TACC2: variants seen among roughly 807,000 people sequenced by gnomAD.
TACC2 encodes the protein transforming acidic coiled-coil-containing protein 2.
Under a neutral mutation model 227.3 loss-of-function variants are expected in TACC2, and 137 were observed. That is an observed-to-expected ratio of 0.60 (90% CI 0.52 to 0.69). The LOEUF (loss-of-function observed/expected upper bound fraction) is 0.69. Ranked by LOEUF, TACC2 falls within the 30% of genes least tolerant of loss-of-function variation. TACC2 has a pLI of 0.00. For synonymous variants in TACC2, 1,523 were observed against 1,487.5 expected (o/e 1.02, Z -0.55); for missense variants, 3,470 against 3,694.4 (o/e 0.94, Z 1.57).
In TACC2 at chr10:122,210,473, G is replaced by A. The variant is rs143883746; in HGVS notation, c.6048G>A (p.Pro2016=). The A allele has an allele frequency of 2.4e-5, 39 of 1,613,854 alleles. No homozygotes were observed. Among genetic ancestry groups the A allele is most frequent in the African/African-American group, 6.7e-5 (5 of 74,894 alleles). Residue 2016 remains proline (P), a synonymous_variant, in exon 9 of 23, where the codon CCG becomes CCA. Coordinates refer to ENST00000369005, the MANE Select transcript of TACC2 (RefSeq NM_206862.4). This position sits in a 1 kb window ranked among gnomAD's most constrained non-coding sequence, Gnocchi z 4.6. The part of the protein sequence containing the change: ...DSVEGSPFRP[P]SHSFSAVFDE... ...TGGAAGGAAGTCCCTTCCGTCCCCC[G>A]TCACACTCCTTCTCTGCCGTCTTCG...
intron 7 of TACC2, among the ~76,000 whole-genome samples, chr10:122,191,134 A>T (rs2094396904): frequency 6.7e-6 from 1 of 150,206 alleles, no homozygotes; most frequent in Non-Finnish European, 1.5e-5. Context: ...TTTTTTTTTT[A>T]AGAGTCGAGG....
intron 3 of TACC2, among the ~76,000 whole-genome samples, chr10:122,065,612 GTTAA>G (rs1240211770): frequency 6.6e-6 from 1 of 152,158 alleles, no homozygotes; most frequent in African/African-American, 2.4e-5. Flanking sequence ...TTAAAAAAGT[GTTAA>G]TTAAGTCAAG....
chr10:122,143,503 T>C (rs1244152971), intron 6 of TACC2, 69 bp from the exon 7 acceptor site: 16 of 1,551,416 alleles, frequency 1.0e-5, no homozygotes, highest in Non-Finnish European at 1.2e-5. Context: ...GTGGGGTGAA[T>C]GGGGCCTGAT....
At chr10:122,152,758 G>A (rs1290801146) in intron 7 of TACC2, among the ~76,000 whole-genome samples, 1 of 152,166 alleles carries the variant, frequency 6.6e-6, no homozygotes, top group Admixed American at 6.6e-5. Context: ...ACTCTCTGTG[G>A]CCAGAACGCT....
At position 122,084,513 on chromosome 10, in the gene TACC2, C is replaced by G; in HGVS notation, c.2013C>G (p.Pro671=). 3.1e-6 allele frequency: 5 copies of G among 1,613,534 alleles called. No individual in the cohort carries two copies. Among genetic ancestry groups the G allele is most frequent in the East Asian group, 2.2e-5 (1 of 44,870 alleles). ...TGGGTGAGGAGGACCCCGTCCTGCCCCCTGTGCCAGATGGAGCTGGTGAGC... is the reference window on the plus strand; with the variant it reads ...TGGGTGAGGAGGACCCCGTCCTGCCGCCTGTGCCAGATGGAGCTGGTGAGC... ...HKLGEEDPVL[P]PVPDGAGEPT... Residue 671 remains proline, a synonymous_variant, in exon 4 of 23, where the codon CCC becomes CCG. Transcript: ENST00000369005.
chr10:122,055,166 G>A (rs1162430869), intron 3 of TACC2, among the ~76,000 whole-genome samples: 2 of 152,054 alleles, frequency 1.3e-5, no homozygotes, highest in Non-Finnish European at 2.9e-5. Flanking sequence ...GTTGCAGTGA[G>A]CTGAGATTGC....
At position 122,084,426 on chromosome 10, in the gene TACC2, G is replaced by A; in HGVS notation, c.1926G>A (p.Gly642=). Reference sequence around the variant, plus strand: ...AGCCACCCAGAAAGGGGGGTGCTGGGCACACGGACGGGCCCCACTCTCAGA... The same window carrying A: ...AGCCACCCAGAAAGGGGGGTGCTGGACACACGGACGGGCCCCACTCTCAGA... ...SAQPPRKGGA[G]HTDGPHSQTA... The change falls in exon 4 of 23, where the codon GGG becomes GGA. Residue 642 remains glycine, a synonymous_variant. Transcript: ENST00000369005. The A allele has an allele frequency of 2.5e-6, 4 of 1,612,828 alleles. No individual in the cohort carries two copies. Among genetic ancestry groups the A allele is most frequent in the Middle Eastern group, 1.6e-4 (1 of 6,062 alleles).
At chr10:121,997,940 C>G (rs1953753493) in intron 1 of TACC2, among the ~76,000 whole-genome samples, 1 of 151,978 alleles carries the variant, frequency 6.6e-6, no homozygotes, top group South Asian at 2.1e-4. Context: ...CATCCCACCC[C>G]CAAAGGCAGG....
In TACC2 at chr10:122,050,695, GT is replaced by G; in HGVS notation, c.146+146del. 1.6e-6 allele frequency: 1 copy of G among 635,640 alleles called. No individual in the cohort carries two copies. The highest frequency in any genetic ancestry group is 2.8e-6 in the Non-Finnish European group (1 of 358,904). 39.4% of individuals were successfully genotyped at this position (635,640 alleles called of 1,614,324 possible). A position where few individuals can be genotyped will look rare whatever the true frequency, so the allele number is the denominator to read the frequency against. ...CCTCAGTGGTGAGATGTTCCAAGCA[GT>G]GGTTCACAGACCTCTCTGTGACTGG... On this transcript the variant is annotated intron_variant, in intron 3 of 22. Coordinates refer to ENST00000369005, the MANE Select transcript of TACC2 (RefSeq NM_206862.4). The surrounding 1 kb of genome is among the most constrained non-coding windows in gnomAD (Gnocchi z 4.6).
chr10:122,140,055 C>T (rs2090308462), intron 6 of TACC2, among the ~76,000 whole-genome samples: 2 of 152,306 alleles, frequency 1.3e-5, no homozygotes, highest in South Asian at 2.1e-4. Flanking sequence ...GCAGGGCTGT[C>T]GGGCTGAATG....
intron 5 of TACC2, among the ~76,000 whole-genome samples, chr10:122,095,082 G>T (rs1317727620): frequency 6.6e-6 from 1 of 152,186 alleles, no homozygotes; most frequent in Non-Finnish European, 1.5e-5. Flanking sequence ...ACAGGACTAG[G>T]GGGCTAACTA....
intron 8 of TACC2, among the ~76,000 whole-genome samples, chr10:122,203,024 T>C (rs1168942554): frequency 2.6e-5 from 4 of 151,940 alleles, no homozygotes; most frequent in Non-Finnish European, 4.4e-5. Flanking sequence ...TTTTTCTTAG[T>C]ACAGAACAAA....
At chr10:122,080,939 T>C (rs780040625) in intron 3 of TACC2, among the ~76,000 whole-genome samples, 2 of 152,206 alleles carry the variant, frequency 1.3e-5, no homozygotes, top group Non-Finnish European at 2.9e-5. Context: ...ATTTCCCCTA[T>C]AATAACTTTA....
At chr10:122,152,575 C>T (rs529295939) in intron 7 of TACC2, among the ~76,000 whole-genome samples, 83 of 152,332 alleles carry the variant, frequency 5.4e-4, no homozygotes, top group Middle Eastern at 3.4e-3. Flanking sequence ...CGTGTTGACA[C>T]GGCTGACTTG....
At chr10:122,061,285 CAAAAAAAAAA>C (rs58324245) in intron 3 of TACC2, among the ~76,000 whole-genome samples, 2 of 87,106 alleles carry the variant, frequency 2.3e-5, no homozygotes, top group Non-Finnish European at 4.2e-5. Flanking sequence ...CACTCCGTCT[CAAAAAAAAAA>C]AAAAAAAAAA....
intron 8 of TACC2, among the ~76,000 whole-genome samples, chr10:122,196,923 G>A (rs1209641979): frequency 1.8e-4 from 18 of 101,946 alleles, no homozygotes; most frequent in Non-Finnish European, 1.1e-4. Context: ...GTGACAGAGC[G>A]AGTCCGTCTC....
intron 8 of TACC2, among the ~76,000 whole-genome samples, chr10:122,201,867 G>A (rs1006277558): frequency 3.3e-5 from 5 of 152,238 alleles, no homozygotes; most frequent in Non-Finnish European, 7.3e-5. Context: ...GCACAGCAAG[G>A]TTAAGGAGCT....
rs1342098788 is a variant in TACC2, at chr10:122,211,519, A to C, written c.7094A>C (p.Gln2365Pro). 6.2e-6 allele frequency: 10 copies of C among 1,613,648 alleles called. No individual in the cohort carries two copies. In the Admixed American group the frequency reaches 8.3e-5, roughly 13 times the overall value. Reference sequence around the variant, plus strand: ...CAGGAGTCTCCCAAACTGCCCCAACAATCATACAACTTTGACCCAGACACC... The same window carrying C: ...CAGGAGTCTCCCAAACTGCCCCAACCATCATACAACTTTGACCCAGACACC... Reference protein sequence around the residue: ...KMQESPKLPQQSYNFDPDTCD... With the variant: ...KMQESPKLPQPSYNFDPDTCD... The change falls in exon 9 of 23, where the codon CAA becomes CCA. Residue 2365 changes from glutamine to proline, a missense_variant. Transcript: ENST00000369005.
intron 19 of TACC2, among the ~76,000 whole-genome samples, chr10:122,244,604 C>A (rs972635568): frequency 6.6e-6 from 1 of 152,158 alleles, no homozygotes; most frequent in Non-Finnish European, 1.5e-5. Context: ...AGGGTCTCTC[C>A]ATGCTTGGTA....
Sources: allele counts gnomAD v4.1 joint callset (sites outside exome capture counted in the v4.1 genomes callset), GRCh38; gene constraint gnomAD v4.1.1; non-coding constraint Gnocchi (gnomAD v3.1); transcripts MANE v1.5; gene names NCBI Gene and HGNC (gene_info 2026-07-23, HGNC 2026-07-21).